Variants in DNAH9 observed in about 807,000 individuals in gnomAD.
DNAH9 encodes the protein dynein axonemal heavy chain 9.
Under a neutral mutation model 471.6 loss-of-function variants are expected in DNAH9, and 345 were observed. That is an observed-to-expected ratio of 0.73 (90% CI 0.67 to 0.80). DNAH9 has a LOEUF of 0.80. Ranked by LOEUF, DNAH9 falls within the 30% of genes least tolerant of loss-of-function variation. The pLI, the probability that DNAH9 is intolerant of heterozygous loss-of-function variation, is 0.00. For synonymous variants in DNAH9, 2,093 were observed against 2,123.6 expected (o/e 0.99, Z 0.40); for missense variants, 5,407 against 5,609.2 (o/e 0.96, Z 1.15).
intron 55 of DNAH9, chr17:11,883,140 A>G: frequency 1.0e-6 from 1 of 991,706 alleles, no homozygotes; most frequent in Non-Finnish European, 1.2e-6. Flanking sequence ...ACAGTTTAAA[A>G]CTGGAAGACA....
intron 67 of DNAH9, among the ~76,000 whole-genome samples, chr17:11,948,592 G>T (rs1386495778): frequency 6.6e-6 from 1 of 152,162 alleles, no homozygotes; most frequent in Admixed American, 6.5e-5. Flanking sequence ...CTGGAAGGGT[G>T]GGCCGTGCTA....
chr17:11,891,358 T>A lies in DNAH9; in HGVS notation c.11113-419T>A, dbSNP rs189517982. The stretch of plus-strand genomic sequence containing the variant: ...ATATTTTGGGAAAACATTTCTTTGG[T>A]TTTTTTTGTTTGTTTGTTTTTCTTT... On this transcript the variant is annotated intron_variant, in intron 57 of 68. Transcript: ENST00000262442. Among the ~76,000 whole-genome samples, 449 of 146,054 alleles carry A rather than the reference T, an allele frequency of 3.1e-3. 1 individual carries two copies. The highest frequency in any genetic ancestry group is 0.012 in the African/African-American group (437 of 35,692).
chr17:11,798,277 A>G (rs1969324058), intron 43 of DNAH9, among the ~76,000 whole-genome samples: 1 of 151,226 alleles, frequency 6.6e-6, no homozygotes, highest in Non-Finnish European at 1.5e-5. Flanking sequence ...CTAAAAATAT[A>G]AAAAAATTAG....
chr17:11,840,914 C>T (rs1422321479), intron 49 of DNAH9, among the ~76,000 whole-genome samples: 2 of 152,142 alleles, frequency 1.3e-5, no homozygotes, highest in Non-Finnish European at 2.9e-5. Context: ...CTTGTGACCT[C>T]CAGAATGGCA....
rs938471890 is a variant in DNAH9, at chr17:11,932,349, A to T, written c.12297+144A>T. ...CTCCCTCGTGATGCAGATGCTGCTG[A>T]TTCGGGGACCATAATTTAAGAGTGT... On this transcript the variant is annotated intron_variant, in intron 64 of 68. Coordinates refer to ENST00000262442, the MANE Select transcript of DNAH9 (RefSeq NM_001372.4). This position sits in a 1 kb window ranked among gnomAD's most constrained non-coding sequence, Gnocchi z 4.3. 1.2e-6 allele frequency: 1 copy of T among 844,452 alleles called. No homozygotes were observed. The highest frequency in any genetic ancestry group is 1.8e-6 in the Non-Finnish European group (1 of 560,790). 52.3% of individuals were successfully genotyped at this position (844,452 alleles called of 1,614,324 possible).
intron 9 of DNAH9, among the ~76,000 whole-genome samples, chr17:11,637,433 T>C (rs1376415653): frequency 6.6e-6 from 1 of 151,556 alleles, no homozygotes; most frequent in Non-Finnish European, 1.5e-5. Context: ...TCGGCTTGAG[T>C]TGTAAAGAAT....
chr17:11,810,212 T>C, intron 44 of DNAH9, 34 bp from the exon 45 acceptor site: 1 of 1,589,028 alleles, frequency 6.3e-7, no homozygotes, highest in Non-Finnish European at 8.5e-7. Context: ...GAGGCCTTCT[T>C]TTCAGAGATT....
intron 45 of DNAH9, among the ~76,000 whole-genome samples, chr17:11,811,123 G>A (rs1395200473): frequency 1.3e-5 from 2 of 152,170 alleles, no homozygotes; most frequent in Non-Finnish European, 2.9e-5. Context: ...GACTAGCCTG[G>A]CCAGAATGGT....
chr17:11,879,939 T>G (rs1972648557), intron 53 of DNAH9, 139 bp from the exon 54 acceptor site: 1 of 928,056 alleles, frequency 1.1e-6, no homozygotes, highest in African/African-American at 1.6e-5. Context: ...GGAAGAAATG[T>G]GGCCACTGAA....
intron 14 of DNAH9, among the ~76,000 whole-genome samples, chr17:11,659,494 G>A (rs1426263288): frequency 1.3e-5 from 2 of 152,148 alleles, no homozygotes; most frequent in Non-Finnish European, 2.9e-5. Flanking sequence ...GGCTGGGAGA[G>A]AACCCAGGCA....
At chr17:11,752,370 G>T (rs1432170852) in intron 32 of DNAH9, among the ~76,000 whole-genome samples, 1 of 152,172 alleles carries the variant, frequency 6.6e-6, no homozygotes, top group Non-Finnish European at 1.5e-5. Context: ...AGTTGTTCTT[G>T]TTCTTGTTAA....
intron 49 of DNAH9, among the ~76,000 whole-genome samples, chr17:11,851,480 C>T (rs746795242): frequency 7.2e-5 from 11 of 152,116 alleles, no homozygotes; most frequent in Non-Finnish European, 1.3e-4. Context: ...GGAAGTGTTC[C>T]AGGCAGAGAC....
rs974441458 is a variant in DNAH9, at chr17:11,694,115, C to T, written c.4745+117C>T. On this transcript the variant is annotated intron_variant, in intron 21 of 68. Transcript: ENST00000262442. Reference sequence around the variant, plus strand: ...GGTGCCTTGCATGTCCCTTTCTTTGCCTGTGTGTTTGGGTAGCATGGGGCA... The same window carrying T: ...GGTGCCTTGCATGTCCCTTTCTTTGTCTGTGTGTTTGGGTAGCATGGGGCA... 1.6e-5 allele frequency: 22 copies of T among 1,383,250 alleles called. No homozygotes were observed. In the Admixed American group the frequency reaches 4.2e-4, roughly 26 times the overall value. The allele number at this position is 1,383,250 out of a possible 1,614,324, so 85.7% of individuals were successfully genotyped here.
intron 67 of DNAH9, among the ~76,000 whole-genome samples, chr17:11,947,678 G>A (rs1041022758): frequency 6.6e-6 from 1 of 151,610 alleles, no homozygotes; most frequent in African/African-American, 2.4e-5. Context: ...TACCTATGTG[G>A]CTCTCATATG....
At chr17:11,807,029 G>A (rs557561302) in intron 43 of DNAH9, among the ~76,000 whole-genome samples, 3 of 152,230 alleles carry the variant, frequency 2.0e-5, no homozygotes, top group Admixed American at 6.5e-5. Context: ...GTCTTCCATT[G>A]CAAGGAAGGG....
intron 61 of DNAH9, among the ~76,000 whole-genome samples, chr17:11,907,907 T>G (rs973143411): frequency 7.2e-5 from 11 of 152,226 alleles, no homozygotes; most frequent in Admixed American, 5.2e-4. Context: ...AGTAATAACC[T>G]TATATCACCA....
chr17:11,823,192 G>A (rs567738393), intron 48 of DNAH9, among the ~76,000 whole-genome samples, 158 bp downstream of exon 48: 7 of 152,138 alleles, frequency 4.6e-5, no homozygotes, highest in Non-Finnish European at 8.8e-5. Context: ...CTCGTGTGTT[G>A]CTTTCATCCC....
rs117014280 is a variant in DNAH9, at chr17:11,874,979, C to G, written c.10273C>G (p.Pro3425Ala). The G allele has an allele frequency of 8.7e-6, 14 of 1,614,102 alleles. No homozygotes were observed. In the East Asian group the frequency reaches 3.1e-4, roughly 36 times the overall value. Residue 3425 changes from proline (P) to alanine (A), a missense_variant, in exon 53 of 69, where the codon CCC becomes GCC. By Grantham distance (27) the Pro-to-Ala change is conservative. This residue lies in a region of DNAH9 where 4,636 missense variants were observed against 4,900.3 expected (regional missense o/e 0.95). Coordinates refer to ENST00000262442, the MANE Select transcript of DNAH9 (RefSeq NM_001372.4). Reference sequence around the variant, plus strand: ...CATTCCAGTCACCCCAGCCCTGGATCCCCTGAGGATGCTGATGGATGATGC... The same window carrying G: ...CATTCCAGTCACCCCAGCCCTGGATGCCCTGAGGATGCTGATGGATGATGC... ...TPIPVTPALD[P>A]LRMLMDDADV...
intron 28 of DNAH9, among the ~76,000 whole-genome samples, chr17:11,735,178 A>C (rs1019724875): frequency 1.3e-5 from 2 of 152,114 alleles, no homozygotes; most frequent in African/African-American, 4.8e-5. Context: ...AGGGCTTGTC[A>C]ACCTAAGCAC....
Sources: allele counts gnomAD v4.1 joint callset (sites outside exome capture counted in the v4.1 genomes callset), GRCh38; gene constraint gnomAD v4.1.1; regional missense constraint gnomAD v4.1.1; non-coding constraint Gnocchi (gnomAD v3.1); transcripts MANE v1.5; gene names NCBI Gene and HGNC (gene_info 2026-07-23, HGNC 2026-07-21).